Variants in NEK6 observed in about 807,000 individuals in gnomAD.
NEK6 encodes the protein NIMA related kinase 6.
Under a neutral mutation model 43.5 loss-of-function variants are expected in NEK6, and 27 were observed. The ratio of observed to expected loss-of-function variants is 0.62; its 90% CI spans 0.46 to 0.86. The LOEUF (loss-of-function observed/expected upper bound fraction) is 0.86. NEK6 is among the 40% of genes least tolerant of loss of function. The pLI is 0.00. For missense variants in NEK6, 318 were observed against 414.4 expected, an observed-to-expected ratio of 0.77 and a Z score of 2.02; for synonymous variants, 167 against 164.1, an observed-to-expected ratio of 1.02 and a Z score of -0.14.
chr9:124,265,740 A>G (rs1831206217), intron 1 of NEK6: 1 of 152,210 alleles, frequency 6.6e-6, no homozygotes, highest in African/African-American at 2.4e-5. Context: ...TTGATGCAAA[A>G]ACACAGACCG....
chr9:124,339,528 C>G, intron 7 of NEK6, 43 bp from the exon 8 acceptor site: 1 of 1,433,986 alleles, frequency 7.0e-7, no homozygotes, highest in Non-Finnish European at 9.8e-7. Context: ...CTGCCCCTGC[C>G]CTACATGGAG....
intron 3 of NEK6, 128 bp from the exon 4 acceptor site, chr9:124,313,795 G>T (rs578109303): frequency 5.5e-5 from 47 of 853,302 alleles, no homozygotes; most frequent in East Asian, 2.9e-4. Flanking sequence ...GGGAGTGCAG[G>T]GGGGGGTCAC....
At chr9:124,309,695 A>G (rs1468381968) in intron 2 of NEK6, among the ~76,000 whole-genome samples, 1 of 152,272 alleles carries the variant, frequency 6.6e-6, no homozygotes, top group African/African-American at 2.4e-5. Flanking sequence ...CGTCTAACGT[A>G]CAACACCTCA....
intron 2 of NEK6, among the ~76,000 whole-genome samples, chr9:124,311,886 C>T (rs1482479850): frequency 6.6e-6 from 1 of 152,184 alleles, no homozygotes; most frequent in South Asian, 2.1e-4. Flanking sequence ...GACAGGGTTT[C>T]GCCATGTTGG....
intron 7 of NEK6, among the ~76,000 whole-genome samples, chr9:124,329,671 C>A (rs1828867198): frequency 6.6e-6 from 1 of 152,218 alleles, no homozygotes; most frequent in Admixed American, 6.5e-5. Context: ...CAAGTCCCTG[C>A]CAGCAGGACA....
intron 2 of NEK6, among the ~76,000 whole-genome samples, chr9:124,310,132 C>T (rs911586478): frequency 4.6e-5 from 7 of 152,210 alleles, no homozygotes; most frequent in African/African-American, 1.7e-4. Context: ...GCACCACAGT[C>T]CCCAGTCCTG....
In NEK6 at chr9:124,339,657, C is replaced by G. The variant is rs771906905; in HGVS notation, c.709C>G (p.Leu237Val). ...KSDIWSLGCLLYEMAALQSPF... is the reference protein window; with the variant it reads ...KSDIWSLGCLVYEMAALQSPF... ...CGACATCTGGTCCCTGGGCTGTCTGCTGTACGAGGTGAGTCTCTGTCCGTG... is the reference window on the plus strand; with the variant it reads ...CGACATCTGGTCCCTGGGCTGTCTGGTGTACGAGGTGAGTCTCTGTCCGTG... Residue 237 changes from leucine to valine, a missense_variant, in exon 8 of 10, where the codon CTG (leucine) becomes GTG (valine). This residue lies in a region of NEK6 where 239 missense variants were observed against 344.4 expected (regional missense o/e 0.69). Coordinates refer to ENST00000320246, the MANE Select transcript of NEK6 (RefSeq NM_014397.6). 5 of 1,612,214 alleles carry G rather than the reference C, an allele frequency of 3.1e-6. No homozygotes were observed. Among genetic ancestry groups the G allele is most frequent in the Non-Finnish European group, 1.7e-6 (2 of 1,178,230 alleles).
intron 1 of NEK6, among the ~76,000 whole-genome samples, chr9:124,274,362 G>A (rs1831572683): frequency 6.6e-6 from 1 of 152,262 alleles, no homozygotes; most frequent in South Asian, 2.1e-4. Flanking sequence ...TTTATGGGCT[G>A]CTGACAGATG....
chr9:124,349,914 A>G (rs1196078761), intron 9 of NEK6, among the ~76,000 whole-genome samples: 4 of 152,230 alleles, frequency 2.6e-5, no homozygotes, highest in Non-Finnish European at 5.9e-5. Flanking sequence ...TCTGTGGCCC[A>G]GGGAGAAAAT....
intron 8 of NEK6, among the ~76,000 whole-genome samples, chr9:124,340,572 G>A (rs548818825): frequency 6.6e-6 from 1 of 152,366 alleles, no homozygotes; most frequent in Non-Finnish European, 1.5e-5. Context: ...AAAGGGCTCT[G>A]GAAACCCCCC....
intron 8 of NEK6, among the ~76,000 whole-genome samples, chr9:124,347,402 G>C (rs541284453): frequency 1.3e-5 from 2 of 152,336 alleles, no homozygotes; most frequent in East Asian, 1.9e-4. Context: ...TGGGTCCCCC[G>C]GGCTGAGGTG....
intron 4 of NEK6, among the ~76,000 whole-genome samples, chr9:124,318,951 G>A (rs1309261515): frequency 6.6e-6 from 1 of 151,690 alleles, no homozygotes; most frequent in Admixed American, 6.6e-5. Context: ...GATTACAGGC[G>A]TGAGCCACTG....
At chr9:124,269,812 G>A (rs190390918) in intron 1 of NEK6, among the ~76,000 whole-genome samples, 9 of 152,184 alleles carry the variant, frequency 5.9e-5, no homozygotes, top group East Asian at 1.9e-4. Flanking sequence ...TGTTGGTTTT[G>A]CAGAGTCATT....
chr9:124,285,814 A>G (rs183336960), intron 1 of NEK6, among the ~76,000 whole-genome samples: 43 of 152,236 alleles, frequency 2.8e-4, no homozygotes, highest in African/African-American at 9.1e-4. Flanking sequence ...TCCCACCTCT[A>G]TTGGGCAGCA....
intron 9 of NEK6, among the ~76,000 whole-genome samples, chr9:124,348,238 A>C (rs1309885835): frequency 6.6e-6 from 1 of 152,182 alleles, no homozygotes; most frequent in Non-Finnish European, 1.5e-5. Flanking sequence ...CCATGACAGG[A>C]AACTACGGCA....
At chr9:124,307,570 C>T (rs1173453998) in intron 2 of NEK6, among the ~76,000 whole-genome samples, 1 of 152,190 alleles carries the variant, frequency 6.6e-6, no homozygotes, top group Non-Finnish European at 1.5e-5. Context: ...GTGGTGACAC[C>T]GCAGGGTCAG....
intron 1 of NEK6, among the ~76,000 whole-genome samples, chr9:124,299,489 A>T (rs1018990737): frequency 6.6e-6 from 1 of 152,192 alleles, no homozygotes; most frequent in Non-Finnish European, 1.5e-5. Flanking sequence ...GGGGCTCTTT[A>T]TACCCTGGGT....
At chr9:124,328,901 C>T (rs1294257963) in intron 7 of NEK6, among the ~76,000 whole-genome samples, 1 of 152,050 alleles carries the variant, frequency 6.6e-6, no homozygotes, top group Non-Finnish European at 1.5e-5. Context: ...TGTGTAGGGA[C>T]CCACCCCCCA....
intron 1 of NEK6, among the ~76,000 whole-genome samples, chr9:124,274,272 C>T (rs980114613): frequency 1.7e-4 from 26 of 152,368 alleles, no homozygotes; most frequent in African/African-American, 6.3e-4. Context: ...GTGATGGCCC[C>T]AGTGGCAGAT....
Sources: allele counts gnomAD v4.1 joint callset (sites outside exome capture counted in the v4.1 genomes callset), GRCh38; gene constraint gnomAD v4.1.1; regional missense constraint gnomAD v4.1.1; transcripts MANE v1.5; gene names NCBI Gene and HGNC (gene_info 2026-07-23, HGNC 2026-07-21).